Variants in CKAP5 observed in about 807,000 individuals in gnomAD.
The protein encoded by CKAP5 is cytoskeleton associated protein 5.
In CKAP5, 27 loss-of-function variants were observed where a neutral mutation model predicts 232.8. The ratio of observed to expected loss-of-function variants is 0.12; its 90% CI spans 0.09 to 0.16. CKAP5 has a LOEUF of 0.16. Ranked by LOEUF, CKAP5 falls within the 10% of genes least tolerant of loss-of-function variation. The pLI is 1.00. For synonymous variants in CKAP5, 785 were observed against 841.1 expected, an observed-to-expected ratio of 0.93 and a Z score of 1.16; for missense variants, 1,838 against 2,424.7, an observed-to-expected ratio of 0.76 and a Z score of 5.08.
chr11:46,838,712 T>G (rs1202650565), intron 1 of CKAP5, among the ~76,000 whole-genome samples: 1 of 136,118 alleles, frequency 7.3e-6, no homozygotes, highest in Non-Finnish European at 1.5e-5. Flanking sequence ...GAGGATCCCT[T>G]GAGCCCGGGA....
intron 1 of CKAP5, among the ~76,000 whole-genome samples, chr11:46,828,155 T>C (rs897604609): frequency 6.6e-6 from 1 of 151,174 alleles, no homozygotes; most frequent in African/African-American, 2.4e-5. Flanking sequence ...AGAACAGTTA[T>C]GAAGATTGCT....
At position 46,818,479 on chromosome 11, in the gene CKAP5, A is replaced by G; in HGVS notation, c.82T>C (p.Tyr28His). ...HKLWKARLSGYEEALKIFQKI... is the reference protein window; with the variant it reads ...HKLWKARLSGHEEALKIFQKI... ...TGGAAGATCTTCAGGGCCTCTTCAT[A>G]CCCACTTAACCTTGCTTTCCACAGC... The change falls in exon 3 of 44, where the codon TAT (tyrosine) becomes CAT (histidine). Residue 28 changes from tyrosine (Y) to histidine (H), a missense_variant. By Grantham distance (83) the Tyr-to-His change is moderately conservative. Around this residue, in one of 6 missense-constraint regions of CKAP5, gnomAD observed 285 missense variants for 300.0 expected, o/e 0.95. Transcript: ENST00000529230. 6.3e-7 allele frequency: 1 copy of G among 1,583,952 alleles called. No individual in the cohort carries two copies. Among genetic ancestry groups the G allele is most frequent in the African/African-American group, 1.4e-5 (1 of 72,932 alleles).
At chr11:46,779,922 G>A (rs188110824) in intron 20 of CKAP5, among the ~76,000 whole-genome samples, 187 of 152,096 alleles carry the variant, frequency 1.2e-3, no homozygotes, top group African/African-American at 4.1e-3. Flanking sequence ...GCACCTGGCC[G>A]ACCTGCTCTG....
In CKAP5 at chr11:46,744,331, T is replaced by C. The variant is rs2065006831; in HGVS notation, c.5857-66A>G. 4 of 1,612,332 alleles carry C rather than the reference T, an allele frequency of 2.5e-6. No homozygotes were observed. The Admixed American group carries it at 6.7e-5, about 27-fold the overall frequency. On this transcript the variant is annotated intron_variant, in intron 43 of 43. Transcript: ENST00000529230. ...GCAGGTCAAGATGCAGCTCCAGAAC[T>C]ACAGCAAGACTAAGCCACTTCTCTG...
intron 37 of CKAP5, 131 bp downstream of exon 37, chr11:46,753,179 T>G: frequency 1.5e-6 from 1 of 669,996 alleles, no homozygotes; most frequent in East Asian, 2.8e-5. Flanking sequence ...TAGCTATAAC[T>G]TTAAGTGTGC....
intron 13 of CKAP5, among the ~76,000 whole-genome samples, 194 bp downstream of exon 13, chr11:46,795,399 AT>A (rs1394678547): frequency 1.3e-5 from 2 of 151,954 alleles, no homozygotes; most frequent in East Asian, 3.9e-4. Flanking sequence ...CTTCATCACC[AT>A]TTTTATCTCT....
chr11:46,777,645 G>C lies in CKAP5; in HGVS notation c.2749-93C>G. 1.0e-5 allele frequency: 8 copies of C among 762,632 alleles called. No homozygotes were observed. In the South Asian group the frequency reaches 1.1e-4, roughly 11 times the overall value. The allele number at this position is 762,632 out of a possible 1,614,324, so 47.2% of individuals were successfully genotyped here. On this transcript the variant is annotated intron_variant, in intron 22 of 43. Transcript: ENST00000529230. ...TGCTGCTATACTGTCAATACAGCAGGAGATTTTTGGCCTACTCAAGAGACA... is the reference window on the plus strand; with the variant it reads ...TGCTGCTATACTGTCAATACAGCAGCAGATTTTTGGCCTACTCAAGAGACA...
At chr11:46,758,882 G>T in intron 35 of CKAP5, 41 bp downstream of exon 35, 1 of 1,609,846 alleles carries the variant, frequency 6.2e-7, no homozygotes, top group Non-Finnish European at 8.5e-7. Context: ...TAGCCTCTAT[G>T]TCCACCAATG....
chr11:46,766,005 C>G (rs545494132), intron 27 of CKAP5, among the ~76,000 whole-genome samples: 2 of 152,058 alleles, frequency 1.3e-5, no homozygotes, highest in Non-Finnish European at 2.9e-5. Context: ...GAGAAAGTTA[C>G]AAGAAATGCT....
Position 46,788,569 on chromosome 11 carries a change from C to T in CKAP5, c.1968+112G>A, listed in dbSNP as rs376019579. Reference sequence around the variant, plus strand: ...AGCCTGGGCAACAAGAGCGAAACTCCGTCTCAAAAAAAAAAAAATCATTAC... The same window carrying T: ...AGCCTGGGCAACAAGAGCGAAACTCTGTCTCAAAAAAAAAAAAATCATTAC... On this transcript the variant is annotated intron_variant, in intron 16 of 43. Transcript: ENST00000529230. The T allele has an allele frequency of 2.8e-4, 184 of 652,334 alleles. 2 individuals carry two copies. In the East Asian group the frequency reaches 5.3e-3, roughly 19 times the overall value. 40.4% of individuals were successfully genotyped at this position (652,334 alleles called of 1,614,324 possible). A position where few individuals can be genotyped will look rare whatever the true frequency, so the allele number is the denominator to read the frequency against.
chr11:46,807,695 T>C (rs185466458), intron 8 of CKAP5, among the ~76,000 whole-genome samples: 164 of 152,360 alleles, frequency 1.1e-3, no homozygotes, highest in African/African-American at 3.7e-3. Context: ...TGTTTAATAT[T>C]TGTCCAATTA....
chr11:46,772,589 T>C (rs1413449753), intron 24 of CKAP5, among the ~76,000 whole-genome samples: 1 of 152,226 alleles, frequency 6.6e-6, no homozygotes, highest in East Asian at 1.9e-4. Context: ...AAAAAATTAG[T>C]TGATATTAGT....
At chr11:46,758,808 G>C in intron 35 of CKAP5, 115 bp downstream of exon 35, 1 of 1,198,036 alleles carries the variant, frequency 8.3e-7, no homozygotes, top group Non-Finnish European at 1.2e-6. Context: ...CCTCGGGAAA[G>C]TATGAAACAC....
intron 1 of CKAP5, among the ~76,000 whole-genome samples, chr11:46,824,664 C>T (rs886747135): frequency 3.9e-5 from 6 of 152,076 alleles, no homozygotes; most frequent in Admixed American, 6.6e-5. Context: ...CCAAATGGTC[C>T]AGCTGCTGTG....
At position 46,844,221 on chromosome 11, in the gene CKAP5, T is replaced by TAA. The variant is rs1162075349; in HGVS notation, c.-38+1997_-38+1998dup. On this transcript the variant is annotated intron_variant, in intron 1 of 43. Transcript: ENST00000529230. ...TGGGCGAAAGAGCAAGACTCTGTCT[T>TAA]AAAAAAAAAAAAAAAGGAAAAGAAA... Among the ~76,000 whole-genome samples the TAA allele has an allele frequency of 2.9e-3, 397 of 135,522 alleles. 3 individuals are homozygous for TAA. The highest frequency in any genetic ancestry group is 0.01 in the African/African-American group (374 of 37,116). The allele number at this position is 135,522 out of a possible 152,430, so 88.9% of individuals were successfully genotyped here. A position where few individuals can be genotyped will look rare whatever the true frequency, so the allele number is the denominator to read the frequency against.
chr11:46,758,729 AAAT>A (rs112777375), intron 35 of CKAP5, 191 bp downstream of exon 35: 2 of 524,444 alleles, frequency 3.8e-6, no homozygotes, highest in Non-Finnish European at 3.2e-6. Flanking sequence ...AAAAAAAAAA[AAAT>A]AAGGCTCTAT....
At chr11:46,841,959 T>C (rs1050675710) in intron 1 of CKAP5, among the ~76,000 whole-genome samples, 30 of 145,404 alleles carry the variant, frequency 2.1e-4, no homozygotes, top group African/African-American at 7.4e-4. Context: ...GATCGTGCCA[T>C]TGCACTCCAG....
intron 42 of CKAP5, among the ~76,000 whole-genome samples, chr11:46,745,830 T>C (rs2065018335): frequency 6.6e-6 from 1 of 151,966 alleles, no homozygotes; most frequent in South Asian, 2.1e-4. Flanking sequence ...CACACACCTA[T>C]AATCCCAGCT....
chr11:46,749,118 C>A (rs1039806529), intron 42 of CKAP5, among the ~76,000 whole-genome samples: 4 of 151,782 alleles, frequency 2.6e-5, no homozygotes, highest in South Asian at 2.1e-4. Context: ...CGTGAGCCAC[C>A]ATGCCTGGCC....
Sources: gnomAD v4.1 joint callset for allele counts (sites outside exome capture counted in the v4.1 genomes callset) on GRCh38, gnomAD v4.1.1 for gene constraint, gnomAD v4.1.1 regional missense constraint, MANE v1.5 for transcripts, NCBI Gene and HGNC (gene_info 2026-07-23, HGNC 2026-07-21) for gene names.